Variants in ADGRL3 observed in about 807,000 individuals in gnomAD.
ADGRL3 encodes adhesion G protein-coupled receptor L3.
In ADGRL3, 62 loss-of-function variants were observed where a neutral mutation model predicts 153.5. That is an observed-to-expected ratio of 0.40 (90% CI 0.33 to 0.50). The LOEUF (loss-of-function observed/expected upper bound fraction) is 0.50. Among genes scored for constraint, ADGRL3 ranks in the 20% least tolerant of loss-of-function variants. The pLI, the probability that ADGRL3 is intolerant of heterozygous loss-of-function variation, is 0.47. For missense variants in ADGRL3, 1,641 were observed against 1,859.4 expected (o/e 0.88, Z 2.16); for synonymous variants, 710 against 672.5 (o/e 1.06, Z -0.86).
At chr4:61,692,374 C>G (rs1339856768) in intron 6 of ADGRL3, among the ~76,000 whole-genome samples, 1 of 151,828 alleles carries the variant, frequency 6.6e-6, no homozygotes, top group African/African-American at 2.4e-5. Context: ...AAAGTATGTA[C>G]TGGTTGCTTA....
intron 13 of ADGRL3, among the ~76,000 whole-genome samples, chr4:61,928,332 G>A (rs534772129): frequency 3.6e-4 from 55 of 151,826 alleles, no homozygotes; most frequent in Middle Eastern, 6.8e-3. Context: ...TTTCCTCTTC[G>A]GAGTCAAAGA....
chr4:61,795,729 TAAAAA>T (rs1194629844), intron 8 of ADGRL3, among the ~76,000 whole-genome samples: 3 of 152,190 alleles, frequency 2.0e-5, no homozygotes, highest in African/African-American at 7.2e-5. Context: ...CTACTATTCT[TAAAAA>T]ATAAAATGAG....
chr4:61,290,415 A>G (rs1560432162), intron 1 of ADGRL3, among the ~76,000 whole-genome samples: 1 of 152,158 alleles, frequency 6.6e-6, no homozygotes, highest in East Asian at 1.9e-4. Context: ...CTTATATTCT[A>G]TCTTTCTCAC....
intron 8 of ADGRL3, among the ~76,000 whole-genome samples, chr4:61,746,891 A>T (rs1041019057): frequency 1.7e-3 from 266 of 152,174 alleles, no homozygotes; most frequent in Admixed American, 3.6e-3. Flanking sequence ...GACACAAAAA[A>T]CCCTTCAAAA....
intron 2 of ADGRL3, among the ~76,000 whole-genome samples, chr4:61,418,944 T>C (rs1177007437): frequency 6.6e-6 from 1 of 150,808 alleles, no homozygotes; most frequent in African/African-American, 2.5e-5. Flanking sequence ...TGACTATAAA[T>C]AGAAATCCTA....
intron 9 of ADGRL3, among the ~76,000 whole-genome samples, chr4:61,864,797 G>A (rs946781614): frequency 6.6e-6 from 1 of 152,166 alleles, no homozygotes; most frequent in Non-Finnish European, 1.5e-5. Context: ...AGCTGAGGGA[G>A]TTCTCTGAAT....
At chr4:61,646,983 C>T (rs2094027344) in intron 5 of ADGRL3, among the ~76,000 whole-genome samples, 1 of 152,140 alleles carries the variant, frequency 6.6e-6, no homozygotes, top group African/African-American at 2.4e-5. Flanking sequence ...TCCTGGTGCG[C>T]CGTTTTTTAA....
At chr4:61,792,240 G>T (rs1163713835) in intron 8 of ADGRL3, among the ~76,000 whole-genome samples, 1 of 151,926 alleles carries the variant, frequency 6.6e-6, no homozygotes, top group Non-Finnish European at 1.5e-5. Flanking sequence ...TCTTCCAGGT[G>T]CCCTAAATCA....
chr4:61,897,863 A>G (rs1401999702), intron 11 of ADGRL3, among the ~76,000 whole-genome samples: 2 of 152,106 alleles, frequency 1.3e-5, no homozygotes, highest in African/African-American at 4.8e-5. Context: ...AGTAAAGGCA[A>G]ACTGCAAGGG....
intron 2 of ADGRL3, among the ~76,000 whole-genome samples, chr4:61,468,581 A>G (rs1293784472): frequency 6.6e-6 from 1 of 152,200 alleles, no homozygotes; most frequent in African/African-American, 2.4e-5. Context: ...TTTGTCCAAA[A>G]TAATAGCATC....
At chr4:61,231,364 A>G (rs1229746696) in intron 1 of ADGRL3, among the ~76,000 whole-genome samples, 1 of 152,120 alleles carries the variant, frequency 6.6e-6, no homozygotes, top group African/African-American at 2.4e-5. Flanking sequence ...TCCAGGTGAG[A>G]GGGTTTGGTG....
chr4:61,246,694 T>C (rs1757226891), intron 1 of ADGRL3, among the ~76,000 whole-genome samples: 1 of 151,808 alleles, frequency 6.6e-6, no homozygotes, highest in African/African-American at 2.4e-5. Context: ...ATATTTATGA[T>C]AATAACCCTT....
intron 9 of ADGRL3, among the ~76,000 whole-genome samples, chr4:61,869,040 T>C (rs1265002437): frequency 6.6e-6 from 1 of 152,130 alleles, no homozygotes; most frequent in Non-Finnish European, 1.5e-5. Context: ...CCTACTGGGC[T>C]CAAGTGATCC....
chr4:61,512,818 T>A (rs1278451322), intron 3 of ADGRL3, among the ~76,000 whole-genome samples: 1 of 152,050 alleles, frequency 6.6e-6, no homozygotes, highest in East Asian at 1.9e-4. Flanking sequence ...GTACAAAGGA[T>A]TAGGCGGGTA....
intron 1 of ADGRL3, among the ~76,000 whole-genome samples, chr4:61,316,795 A>T (rs901540129): frequency 6.6e-6 from 1 of 152,186 alleles, no homozygotes; most frequent in African/African-American, 2.4e-5. Flanking sequence ...TTACTTTGAG[A>T]TCATTTAAAA....
At chr4:61,860,340 A>G (rs2098327777) in intron 9 of ADGRL3, among the ~76,000 whole-genome samples, 1 of 152,150 alleles carries the variant, frequency 6.6e-6, no homozygotes, top group Admixed American at 6.6e-5. Flanking sequence ...CTTTAACAAT[A>G]TACAGATAAA....
chr4:61,935,851 C>T, intron 14 of ADGRL3, 72 bp from the exon 15 acceptor site: 1 of 1,342,182 alleles, frequency 7.5e-7, no homozygotes, highest in Non-Finnish European at 1.0e-6. Context: ...AGAAATACTG[C>T]AATGGTTTAG....
At chr4:62,020,822 T>C (rs2099234453) in intron 21 of ADGRL3, among the ~76,000 whole-genome samples, 1 of 152,144 alleles carries the variant, frequency 6.6e-6, no homozygotes, top group African/African-American at 2.4e-5. Flanking sequence ...GGATATAATA[T>C]GAGTTAAACT....
intron 19 of ADGRL3, among the ~76,000 whole-genome samples, chr4:61,995,339 C>T (rs991956313): frequency 3.1e-4 from 47 of 151,784 alleles, no homozygotes; most frequent in African/African-American, 1.1e-3. Flanking sequence ...TTCTAATTTC[C>T]CTTCTTAATA....
Sources: gnomAD v4.1 joint callset for allele counts (sites outside exome capture counted in the v4.1 genomes callset) on GRCh38, gnomAD v4.1.1 for gene constraint, MANE v1.5 for transcripts, NCBI Gene and HGNC (gene_info 2026-07-23, HGNC 2026-07-21) for gene names.